NOTO: variants seen among roughly 807,000 people sequenced by gnomAD.
NOTO encodes the protein notochord homeobox.
NOTO carries 19 observed loss-of-function variants against 20.5 expected under a neutral mutation model. That is an observed-to-expected ratio of 0.93 (90% CI 0.65 to 1.36). The LOEUF (loss-of-function observed/expected upper bound fraction) is 1.36, where lower values mean the gene tolerates loss of function less well. NOTO is among the 40% of genes most tolerant of loss of function. The pLI is 0.00. For synonymous variants in NOTO, 150 were observed against 150.2 expected (o/e 1.00, Z 0.01); for missense variants, 369 against 336.2 (o/e 1.10, Z -0.76).
intron 1 of NOTO, among the ~76,000 whole-genome samples, chr2:73,205,176 T>C (rs1686073534): frequency 6.6e-6 from 1 of 152,134 alleles, no homozygotes; most frequent in East Asian, 1.9e-4. Context: ...GTATAGTTGG[T>C]TATTTAAAAC....
At chr2:73,210,553 A>C (rs914717235) in intron 2 of NOTO, among the ~76,000 whole-genome samples, 1 of 152,238 alleles carries the variant, frequency 6.6e-6, no homozygotes, top group Non-Finnish European at 1.5e-5. Flanking sequence ...CTGTATCAGC[A>C]TCACCTAGGA....
rs1686176529 is a variant in NOTO, at chr2:73,211,265, T to G, written c.*336T>G. ...AATGTGCCATGCACAGTGCAAAGTG[T>G]GTGGTTACTGTTAAGGCTTGTAGGC... On this transcript the variant is annotated 3_prime_UTR_variant, in exon 3 of 3. Transcript: ENST00000398468. The G allele has an allele frequency of 4.9e-6, 1 of 204,286 alleles. No individual in the cohort carries two copies. The highest frequency in any genetic ancestry group is 9.7e-6 in the Non-Finnish European group (1 of 102,960). 12.7% of individuals were successfully genotyped at this position (204,286 alleles called of 1,614,324 possible).
At chr2:73,204,544 G>A (rs143901406) in intron 1 of NOTO, among the ~76,000 whole-genome samples, 4 of 152,216 alleles carry the variant, frequency 2.6e-5, no homozygotes, top group African/African-American at 9.6e-5. Context: ...TTAACCCTTG[G>A]ACTCGCAGCC....
In NOTO at chr2:73,210,989, T is replaced by A; in HGVS notation, c.*60T>A. On this transcript the variant is annotated 3_prime_UTR_variant, in exon 3 of 3. Coordinates refer to ENST00000398468, the MANE Select transcript of NOTO (RefSeq NM_001134462.2). ...ACTAGTTCCTCCTGGGGGTACCCAC[T>A]GGAGCTCCCTGCCTCACACCTCAAC... 2 of 1,378,178 alleles carry A rather than the reference T, an allele frequency of 1.5e-6. No individual in the cohort carries two copies. The highest frequency in any genetic ancestry group is 2.0e-6 in the Non-Finnish European group (2 of 1,012,170). 85.4% of individuals were successfully genotyped at this position (1,378,178 alleles called of 1,614,324 possible). A position where few individuals can be genotyped will look rare whatever the true frequency, so the allele number is the denominator to read the frequency against.
rs979837426 is a variant in NOTO at position 73,211,563 on chromosome 2, G to A, written c.*634G>A. The A allele has an allele frequency of 3.3e-5, 5 of 152,414 alleles. No homozygotes were observed. Among genetic ancestry groups the A allele is most frequent in the East Asian group, 1.9e-4 (1 of 5,198 alleles). The allele number at this position is 152,414 out of a possible 1,614,324, so 9.4% of individuals were successfully genotyped here. On this transcript the variant is annotated 3_prime_UTR_variant, in exon 3 of 3. Transcript: ENST00000398468. ...TGGCTCACCGCCACCTCCGCCTCCC[G>A]GGTTCAAGCGATTCTCCTGCCTCAG...
At chr2:73,203,264 C>A (rs1467509121) in intron 1 of NOTO, among the ~76,000 whole-genome samples, 3 of 152,222 alleles carry the variant, frequency 2.0e-5, no homozygotes, top group African/African-American at 7.2e-5. Flanking sequence ...TTCCCCCGCA[C>A]GCTGCTGAGG....
At chr2:73,210,540 C>G (rs565754355) in intron 2 of NOTO, among the ~76,000 whole-genome samples, 5 of 152,330 alleles carry the variant, frequency 3.3e-5, no homozygotes, top group African/African-American at 1.2e-4. Context: ...CTGTTGCTCA[C>G]CACTGTATCA....
rs539372803 is a variant in NOTO at position 73,207,701 on chromosome 2, T to G, written c.383-699T>G. ...TCCTGAGTAGCTGGGATTACAGGCA[T>G]GTGCCACCATGCCTGGCTAATTTTT... On this transcript the variant is annotated intron_variant, in intron 1 of 2. Coordinates refer to ENST00000398468, the MANE Select transcript of NOTO (RefSeq NM_001134462.2). 1.2e-4 allele frequency among the ~76,000 whole-genome samples: 19 copies of G among 152,132 alleles called. 1 individual carries two copies. The highest frequency in any genetic ancestry group is 4.3e-4 in the African/African-American group (18 of 41,520).
intron 2 of NOTO, among the ~76,000 whole-genome samples, chr2:73,209,647 C>T (rs1686141142): frequency 1.3e-5 from 2 of 152,122 alleles, no homozygotes; most frequent in Non-Finnish European, 2.9e-5. Flanking sequence ...CCCAGCTGGT[C>T]TCATCTATTC....
Position 73,202,598 on chromosome 2 carries a change from G to A in NOTO, c.-69G>A. 1 of 1,365,344 alleles carries A rather than the reference G, an allele frequency of 7.3e-7. No homozygotes were observed. Among genetic ancestry groups the A allele is most frequent in the South Asian group, 1.6e-5 (1 of 62,654 alleles). The allele number at this position is 1,365,344 out of a possible 1,614,324, so 84.6% of individuals were successfully genotyped here. ...TCCCAGACAACCGGTCTTGCTCGCT[G>A]CCTTTTGCAGAATCTTCTCACTTCT... On this transcript the variant is annotated 5_prime_UTR_variant, in exon 1 of 3. Transcript: ENST00000398468.
intron 1 of NOTO, among the ~76,000 whole-genome samples, chr2:73,203,399 C>G (rs1022441784): frequency 6.6e-6 from 1 of 152,058 alleles, no homozygotes; most frequent in African/African-American, 2.4e-5. Flanking sequence ...CTCGCACACC[C>G]CGGGGTAGCG....
Position 73,210,776 on chromosome 2 carries a change from A to C in NOTO, c.603A>C (p.Arg201Ser), listed in dbSNP as rs904964791. The part of the protein sequence containing the change: ...ARLKLTENQV[R>S]VWFQNRRVKY... The stretch of plus-strand genomic sequence containing the variant: ...TGCCCACTCTCCAATTATAGGTGAG[A>C]GTCTGGTTCCAGAACCGCAGGGTCA... The change falls in exon 3 of 3, where the codon AGA (arginine) becomes AGC (serine). Residue 201 changes from arginine (R) to serine (S), a missense_variant. By Grantham distance (110) the Arg-to-Ser change is moderately radical (BLOSUM62 -1). Transcript: ENST00000398468. 2.6e-6 allele frequency: 4 copies of C among 1,549,706 alleles called. No homozygotes were observed. Among genetic ancestry groups the C allele is most frequent in the Middle Eastern group, 1.7e-4 (1 of 6,002 alleles).
In NOTO at chr2:73,208,362, C is replaced by T. The variant is rs1558547974; in HGVS notation, c.383-38C>T. 3 of 1,446,686 alleles carry T rather than the reference C, an allele frequency of 2.1e-6. No homozygotes were observed. In the Admixed American group the frequency reaches 5.9e-5, roughly 29 times the overall value. 89.6% of individuals were successfully genotyped at this position (1,446,686 alleles called of 1,614,324 possible). A position where few individuals can be genotyped will look rare whatever the true frequency, so the allele number is the denominator to read the frequency against. On this transcript the variant is annotated intron_variant, in intron 1 of 2. Transcript: ENST00000398468. Reference sequence around the variant, plus strand: ...GGGGGCTTCTGGCTAACCTCCCCTGCTGCTGGATAACCTCCCCTGCTGCTG... The same window carrying T: ...GGGGGCTTCTGGCTAACCTCCCCTGTTGCTGGATAACCTCCCCTGCTGCTG...
chr2:73,205,120 T>A (rs1177320145), intron 1 of NOTO, among the ~76,000 whole-genome samples: 2 of 152,118 alleles, frequency 1.3e-5, no homozygotes, highest in Non-Finnish European at 2.9e-5. Context: ...GACCTCGTGA[T>A]GTATTTCTTT....
intron 2 of NOTO, among the ~76,000 whole-genome samples, chr2:73,209,174 CAA>C (rs1214608418): frequency 2.3e-4 from 12 of 53,282 alleles, no homozygotes; most frequent in Admixed American, 2.0e-4. Context: ...GAGCCCGTCT[CAA>C]AAAAAAAAAA....
chr2:73,208,469 A>G lies in NOTO; in HGVS notation c.452A>G (p.Asp151Gly). 1 of 1,551,656 alleles carries G rather than the reference A, an allele frequency of 6.4e-7. No homozygotes were observed. The highest frequency in any genetic ancestry group is 8.7e-7 in the Non-Finnish European group (1 of 1,146,942). The change falls in exon 2 of 3, where the codon GAC becomes GGC. Residue 151 changes from aspartate (D) to glycine (G), a missense_variant. Coordinates refer to ENST00000398468, the MANE Select transcript of NOTO (RefSeq NM_001134462.2). The part of the protein sequence containing the change: ...PDWAPTEDLQ[D>G]TERQQKRVRT... ...TGGGCCCCAACGGAGGACCTACAGG[A>G]CACTGAGAGACAGCAAAAGAGAGTC...
chr2:73,209,944 C>T (rs1348502400), intron 2 of NOTO, among the ~76,000 whole-genome samples: 2 of 152,162 alleles, frequency 1.3e-5, no homozygotes, highest in African/African-American at 4.8e-5. Flanking sequence ...GCCTTGTCAT[C>T]TCTACCTCCA....
Position 73,211,982 on chromosome 2 carries a change from G to C in NOTO, c.*1053G>C, listed in dbSNP as rs1318225894. 6.6e-6 allele frequency: 1 copy of C among 152,186 alleles called. No individual in the cohort carries two copies. Among genetic ancestry groups the C allele is most frequent in the Admixed American group, 6.5e-5 (1 of 15,278 alleles). The allele number at this position is 152,186 out of a possible 1,614,324, so 9.4% of individuals were successfully genotyped here. Reference sequence around the variant, plus strand: ...CCAGCAATTAATATTTTCCTGGCCTGGCTGTGGAGAAGGAACCTCTTTGAA... The same window carrying C: ...CCAGCAATTAATATTTTCCTGGCCTCGCTGTGGAGAAGGAACCTCTTTGAA... On this transcript the variant is annotated 3_prime_UTR_variant, in exon 3 of 3. Transcript: ENST00000398468.
In NOTO at chr2:73,202,851, C is replaced by T; in HGVS notation, c.185C>T (p.Ala62Val). Residue 62 changes from alanine (A) to valine (V), a missense_variant, in exon 1 of 3, where the codon GCG becomes GTG. Ala to Val is a moderately conservative substitution (Grantham distance 64, BLOSUM62 0). Transcript: ENST00000398468. ...ATCCTGGCGAGGCCCGACCCCTGCG[C>T]GCCGGCGGCCTCCCAGCCGTCGGGC... ...EAILARPDPC[A>V]PAASQPSGSA... 6.6e-7 allele frequency: 1 copy of T among 1,526,212 alleles called. No individual in the cohort carries two copies. Among genetic ancestry groups the T allele is most frequent in the South Asian group, 1.2e-5 (1 of 83,122 alleles). The allele number at this position is 1,526,212 out of a possible 1,614,324, so 94.5% of individuals were successfully genotyped here. A position where few individuals can be genotyped will look rare whatever the true frequency, so the allele number is the denominator to read the frequency against.
Sources: gnomAD v4.1 joint callset for allele counts (sites outside exome capture counted in the v4.1 genomes callset) on GRCh38, gnomAD v4.1.1 for gene constraint, MANE v1.5 for transcripts, NCBI Gene and HGNC (gene_info 2026-07-23, HGNC 2026-07-21) for gene names.